The following SORCS1 variants were observed in gnomAD, a reference collection of about 807,000 sequenced individuals.
SORCS1 encodes sortilin related VPS10 domain containing receptor 1.
SORCS1 carries 60 observed loss-of-function variants against 146.1 expected under a neutral mutation model. The ratio of observed to expected loss-of-function variants is 0.41; its 90% CI spans 0.33 to 0.51. The LOEUF (loss-of-function observed/expected upper bound fraction) is 0.51. Ranked by LOEUF, SORCS1 falls within the 20% of genes least tolerant of loss-of-function variation. SORCS1 has a pLI of 0.21. For missense variants in SORCS1, 1,352 were observed against 1,487.6 expected (o/e 0.91, Z 1.50); for synonymous variants, 637 against 584.0 (o/e 1.09, Z -1.31).
rs568621657 is a variant in SORCS1, at chr10:106,593,845, C to A, written c.3265+3506G>T. On this transcript the variant is annotated intron_variant, in intron 24 of 25. Coordinates refer to ENST00000263054, the MANE Select transcript of SORCS1 (RefSeq NM_052918.5). ...TACTGCAAGGGGTTCTTCTTTAAAT[C>A]TCAGTGTGCATATCTGGGTCCCCAA... Among the ~76,000 whole-genome samples the A allele has an allele frequency of 7.9e-5, 12 of 152,308 alleles. No individual in the cohort carries two copies. The South Asian group carries it at 2.5e-3, about 32-fold the overall frequency.
chr10:106,751,972 G>A (rs542519668), intron 5 of SORCS1, among the ~76,000 whole-genome samples: 1 of 152,078 alleles, frequency 6.6e-6, no homozygotes, highest in Non-Finnish European at 1.5e-5. Flanking sequence ...AAATATATAT[G>A]GAGAACATAC....
intron 3 of SORCS1, among the ~76,000 whole-genome samples, chr10:106,812,972 C>T (rs1157578256): frequency 1.3e-5 from 2 of 152,136 alleles, no homozygotes; most frequent in Non-Finnish European, 2.9e-5. Context: ...GTGACCATTT[C>T]TCAGCTGTGG....
chr10:106,948,642 A>G (rs1954497013), intron 2 of SORCS1, among the ~76,000 whole-genome samples: 1 of 150,542 alleles, frequency 6.6e-6, no homozygotes, highest in African/African-American at 2.5e-5. Flanking sequence ...ACAGAGCAAG[A>G]CCCTGTTTCT....
chr10:106,709,101 C>A, intron 7 of SORCS1, 122 bp downstream of exon 7: 3 of 698,882 alleles, frequency 4.3e-6, no homozygotes, highest in South Asian at 1.8e-5. Context: ...TCTCTCCCTA[C>A]CTCCTTCCCT....
intron 2 of SORCS1, among the ~76,000 whole-genome samples, chr10:106,893,354 C>A (rs1951312817): frequency 6.6e-6 from 1 of 152,138 alleles, no homozygotes; most frequent in Non-Finnish European, 1.5e-5. Flanking sequence ...TAGTTTAGCT[C>A]AGATTTTATA....
At chr10:107,065,842 T>A (rs1443004088) in intron 1 of SORCS1, among the ~76,000 whole-genome samples, 2 of 151,990 alleles carry the variant, frequency 1.3e-5, no homozygotes, top group African/African-American at 4.8e-5. Flanking sequence ...TCATCCATAA[T>A]CCCATTTAAT....
chr10:107,066,678 A>AT (rs913150489), intron 1 of SORCS1, among the ~76,000 whole-genome samples: 2 of 152,078 alleles, frequency 1.3e-5, no homozygotes, highest in African/African-American at 4.8e-5. Flanking sequence ...CATTTCTATT[A>AT]TTTTTTTAAC....
At chr10:106,921,658 C>G (rs1337308117) in intron 2 of SORCS1, among the ~76,000 whole-genome samples, 1 of 152,116 alleles carries the variant, frequency 6.6e-6, no homozygotes, top group East Asian at 1.9e-4. Context: ...CTCACACATG[C>G]CTTGGAACCA....
chr10:107,020,669 G>C (rs1272206188), intron 1 of SORCS1, among the ~76,000 whole-genome samples: 1 of 152,074 alleles, frequency 6.6e-6, no homozygotes, highest in African/African-American at 2.4e-5. Flanking sequence ...TGTGTGTCCT[G>C]TTTTTCTTCC....
At position 106,908,360 on chromosome 10, in the gene SORCS1, A is replaced by G. The variant is rs539287953; in HGVS notation, c.626+48153T>C. ...TTCTAAGAAGTTTCATGAGCACACC[A>G]TTACGTAGAATATAGATGTCAAACT... On this transcript the variant is annotated intron_variant, in intron 2 of 25. Coordinates refer to ENST00000263054, the MANE Select transcript of SORCS1 (RefSeq NM_052918.5). 2.0e-5 allele frequency among the ~76,000 whole-genome samples: 3 copies of G among 152,306 alleles called. No homozygotes were observed. In the East Asian group the frequency reaches 5.8e-4, roughly 29 times the overall value.
chr10:106,580,345 A>T (rs1713738602), intron 24 of SORCS1, among the ~76,000 whole-genome samples: 1 of 152,182 alleles, frequency 6.6e-6, no homozygotes, highest in Non-Finnish European at 1.5e-5. Context: ...CTCTGCCTCC[A>T]TGAAAGAGTC....
rs893258934 is a variant in SORCS1 at position 106,576,369 on chromosome 10, G to T, written c.*1051C>A. 5.9e-5 allele frequency: 9 copies of T among 152,346 alleles called. No homozygotes were observed. Among genetic ancestry groups the T allele is most frequent in the Non-Finnish European group, 1.0e-4 (7 of 68,136 alleles). 9.4% of individuals were successfully genotyped at this position (152,346 alleles called of 1,614,324 possible). A position where few individuals can be genotyped will look rare whatever the true frequency, so the allele number is the denominator to read the frequency against. On this transcript the variant is annotated 3_prime_UTR_variant, in exon 26 of 26. Transcript: ENST00000263054. ...AGCAATATGTTTGGGAAGAAAAACT[G>T]AGAACAGTTGAAGGACAACTTACTT...
At chr10:106,983,432 G>A (rs1589848860) in intron 1 of SORCS1, among the ~76,000 whole-genome samples, 2 of 151,884 alleles carry the variant, frequency 1.3e-5, no homozygotes, top group East Asian at 3.8e-4. Context: ...ATAGGTAGTA[G>A]ACAACCTAAT....
At chr10:106,808,948 G>C (rs531451265) in intron 3 of SORCS1, among the ~76,000 whole-genome samples, 1 of 152,242 alleles carries the variant, frequency 6.6e-6, no homozygotes, top group African/African-American at 2.4e-5. Flanking sequence ...CTTTGCATGT[G>C]TTTGAATAAA....
intron 2 of SORCS1, among the ~76,000 whole-genome samples, chr10:106,902,619 G>GTA (rs1316392304): frequency 1.3e-5 from 2 of 152,144 alleles, no homozygotes; most frequent in Non-Finnish European, 2.9e-5. Flanking sequence ...AGATTCATAG[G>GTA]TATAACTGGT....
intron 2 of SORCS1, among the ~76,000 whole-genome samples, chr10:106,923,984 G>A (rs909970886): frequency 3.3e-5 from 5 of 152,126 alleles, no homozygotes; most frequent in South Asian, 2.1e-4. Context: ...CTGGCTGGGC[G>A]CAGTGGCTCA....
intron 1 of SORCS1, among the ~76,000 whole-genome samples, chr10:107,131,445 C>T (rs780161116): frequency 3.3e-5 from 5 of 152,292 alleles, no homozygotes; most frequent in Admixed American, 2.6e-4. Flanking sequence ...TCTTTTGGCC[C>T]GATGCAGTGG....
chr10:106,910,276 C>G (rs891242903), intron 2 of SORCS1, among the ~76,000 whole-genome samples: 12 of 139,218 alleles, frequency 8.6e-5, no homozygotes, highest in Non-Finnish European at 4.6e-5. Context: ...GCCTCCGTCT[C>G]TTTACATTGT....
At chr10:106,848,465 G>T in intron 2 of SORCS1, among the ~76,000 whole-genome samples, 1 of 40,966 alleles carries the variant, frequency 2.4e-5, no homozygotes, top group Non-Finnish European at 5.4e-5. Context: ...CTTTTATTTT[G>T]AGCCTATGTG....
Sources: gnomAD v4.1 joint callset for allele counts (sites outside exome capture counted in the v4.1 genomes callset) on GRCh38, gnomAD v4.1.1 for gene constraint, MANE v1.5 for transcripts, NCBI Gene and HGNC (gene_info 2026-07-23, HGNC 2026-07-21) for gene names.